Variants in PTGER3 observed in about 807,000 individuals in gnomAD.
PTGER3 encodes prostaglandin E2 receptor EP3 subtype.
A neutral mutation model predicts 34.7 loss-of-function variants in PTGER3; 22 were observed. The ratio of observed to expected loss-of-function variants is 0.63; its 90% CI spans 0.45 to 0.91. PTGER3 has a LOEUF of 0.91. Ranked by LOEUF, PTGER3 falls within the 40% of genes least tolerant of loss-of-function variation. PTGER3 has a pLI of 0.00. For missense variants in PTGER3, 468 were observed against 519.4 expected (o/e 0.90, Z 0.96); for synonymous variants, 241 against 230.1 (o/e 1.05, Z -0.43).
intron 1 of PTGER3, among the ~76,000 whole-genome samples, chr1:71,044,417 T>G (rs1660577731): frequency 6.8e-6 from 1 of 147,822 alleles, no homozygotes; most frequent in Non-Finnish European, 1.5e-5. Context: ...AGCCTGGAGT[T>G]TTTTTTTTTG....
chr1:70,913,217 C>T (rs1009572085), intron 4 of PTGER3, among the ~76,000 whole-genome samples: 7 of 151,830 alleles, frequency 4.6e-5, no homozygotes, highest in East Asian at 3.9e-4. Flanking sequence ...GAATCTTTTA[C>T]GAAATTTATT....
At chr1:70,853,751 G>GT (rs1202242879) in intron 4 of PTGER3, among the ~76,000 whole-genome samples, 1 of 152,150 alleles carries the variant, frequency 6.6e-6, no homozygotes, top group African/African-American at 2.4e-5. Flanking sequence ...AATCTAAACG[G>GT]TGTGGTACTG....
chr1:71,025,904 C>G (rs961526691), intron 1 of PTGER3, among the ~76,000 whole-genome samples: 12 of 152,212 alleles, frequency 7.9e-5, no homozygotes, highest in Admixed American at 2.0e-4. Flanking sequence ...AAATCACAGA[C>G]TGTTCTTAAT....
downstream of PTGER3, among the ~76,000 whole-genome samples, chr1:70,967,506 A>G (rs1652652402): frequency 6.6e-6 from 1 of 152,168 alleles, no homozygotes; most frequent in African/African-American, 2.4e-5. Flanking sequence ...AAGCTGTCGA[A>G]AATCTAGGAT....
intron 2 of PTGER3, among the ~76,000 whole-genome samples, chr1:70,994,537 A>C (rs1655759079): frequency 6.6e-6 from 1 of 151,636 alleles, no homozygotes; most frequent in Non-Finnish European, 1.5e-5. Context: ...GGCCCGCTGC[A>C]ACCTCCGCCT....
intron 2 of PTGER3, among the ~76,000 whole-genome samples, chr1:70,996,097 T>C (rs1038210669): frequency 6.6e-6 from 1 of 152,188 alleles, no homozygotes; most frequent in Non-Finnish European, 1.5e-5. Flanking sequence ...GCCTTCCTTA[T>C]TGATGATGCT....
chr1:71,015,730 G>T (rs943134455), intron 1 of PTGER3, among the ~76,000 whole-genome samples: 5 of 152,076 alleles, frequency 3.3e-5, no homozygotes, highest in African/African-American at 1.2e-4. Context: ...TAACAAAAAA[G>T]CAGGTAGAGC....
chr1:70,987,150 TC>T (rs542340484), intron 2 of PTGER3, among the ~76,000 whole-genome samples: 243 of 152,322 alleles, frequency 1.6e-3, no homozygotes, highest in African/African-American at 5.5e-3. Flanking sequence ...GTTATGGTTC[TC>T]CCCTTTATAA....
chr1:71,038,623 A>T (rs985076413), intron 1 of PTGER3, among the ~76,000 whole-genome samples: 1 of 152,220 alleles, frequency 6.6e-6, no homozygotes, highest in Non-Finnish European at 1.5e-5. Context: ...AGTCACTGAA[A>T]TGTCCTCCCT....
intron 4 of PTGER3, among the ~76,000 whole-genome samples, chr1:70,933,366 C>G (rs1272040940): frequency 6.6e-6 from 1 of 152,102 alleles, no homozygotes; most frequent in African/African-American, 2.4e-5. Flanking sequence ...TTTCCTCCAC[C>G]CTATCATAAA....
chr1:70,971,659 C>A lies in PTGER3; in HGVS notation c.*71G>T. On this transcript the variant is annotated 3_prime_UTR_variant, in exon 4 of 4. Coordinates refer to ENST00000306666, the MANE Select transcript of PTGER3 (RefSeq NM_198719.2). ...CAAATTAAAATATATAATTATCCTT[C>A]TCAGGTGGGAAGAAATATGCAAATT... 6.6e-7 allele frequency: 1 copy of A among 1,506,650 alleles called. No individual in the cohort carries two copies. Among genetic ancestry groups the A allele is most frequent in the South Asian group, 1.4e-5 (1 of 70,466 alleles). The allele number at this position is 1,506,650 out of a possible 1,614,324, so 93.3% of individuals were successfully genotyped here.
intron 4 of PTGER3, among the ~76,000 whole-genome samples, chr1:70,935,459 T>G (rs1649120166): frequency 6.6e-6 from 1 of 152,100 alleles, no homozygotes; most frequent in Middle Eastern, 3.4e-3. Flanking sequence ...GAAGCTGAGG[T>G]TGTGCCTTAT....
chr1:70,880,305 G>A (rs1178664149), intron 4 of PTGER3, among the ~76,000 whole-genome samples: 2 of 151,862 alleles, frequency 1.3e-5, no homozygotes, highest in East Asian at 1.9e-4. Context: ...TTGCTTGTCT[G>A]AAAATGATAT....
intron 4 of PTGER3, chr1:70,947,344 C>T (rs917248199): frequency 2.0e-5 from 3 of 152,208 alleles, no homozygotes; most frequent in African/African-American, 7.2e-5. Flanking sequence ...AGTGAATAAG[C>T]CTCACAAGAT....
At chr1:70,975,288 A>C (rs922156700) in intron 2 of PTGER3, among the ~76,000 whole-genome samples, 15 of 152,222 alleles carry the variant, frequency 9.9e-5, no homozygotes, top group African/African-American at 3.6e-4. Flanking sequence ...GCCAGTCCTG[A>C]GGCCCATCCC....
chr1:70,982,706 T>C (rs1236563250), intron 2 of PTGER3, among the ~76,000 whole-genome samples: 1 of 152,144 alleles, frequency 6.6e-6, no homozygotes, highest in African/African-American at 2.4e-5. Flanking sequence ...AAATTTACTG[T>C]CCATTTGTGG....
At chr1:71,043,083 C>A (rs1048381688) in intron 1 of PTGER3, among the ~76,000 whole-genome samples, 3 of 152,190 alleles carry the variant, frequency 2.0e-5, no homozygotes, top group African/African-American at 7.2e-5. Context: ...TTCCTTTGAA[C>A]AAAATCCTAA....
exon 4 of PTGER3, chr1:70,952,444 A>G: frequency 2.0e-6 from 2 of 985,786 alleles, no homozygotes; most frequent in Non-Finnish European, 2.4e-6. Context: ...ATGTTGAATT[A>G]GAATGTGTTT....
At chr1:70,951,343 A>T (rs1038021986), downstream of PTGER3, 8 of 152,220 alleles carry the variant, frequency 5.3e-5, no homozygotes, top group African/African-American at 1.9e-4. Context: ...TTGTTTGCTG[A>T]TTACAAACCT....
Sources: gnomAD v4.1 joint callset for allele counts (sites outside exome capture counted in the v4.1 genomes callset) on GRCh38, gnomAD v4.1.1 for gene constraint, MANE v1.5 for transcripts, NCBI Gene and HGNC (gene_info 2026-07-23, HGNC 2026-07-21) for gene names.